The following ERBB4 variants were observed in gnomAD, a reference collection of about 807,000 sequenced individuals.
ERBB4 encodes receptor tyrosine-protein kinase erbB-4.
ERBB4 carries 42 observed loss-of-function variants against 158.0 expected under a neutral mutation model. The ratio of observed to expected loss-of-function variants is 0.27; its 90% CI spans 0.21 to 0.34. The LOEUF is 0.34. Among genes scored for constraint, ERBB4 ranks in the 10% least tolerant of loss-of-function variants. The pLI is 1.00. For missense variants in ERBB4, 1,333 were observed against 1,624.1 expected (o/e 0.82, Z 3.08); for synonymous variants, 583 against 558.7 (o/e 1.04, Z -0.61).
intron 12 of ERBB4, among the ~76,000 whole-genome samples, chr2:211,680,722 C>T (rs576131154): frequency 1.8e-4 from 27 of 152,230 alleles, no homozygotes; most frequent in Middle Eastern, 3.4e-3. Context: ...ATTAAAAAGG[C>T]CCCTATGGTA....
At chr2:211,690,976 T>C (rs1315403721) in intron 12 of ERBB4, among the ~76,000 whole-genome samples, 2 of 152,214 alleles carry the variant, frequency 1.3e-5, no homozygotes, top group East Asian at 3.8e-4. Flanking sequence ...ATGTGCTTAG[T>C]ATTTTGACCT....
chr2:211,779,147 C>T (rs1308751076), intron 4 of ERBB4: 2 of 152,182 alleles, frequency 1.3e-5, no homozygotes, highest in Non-Finnish European at 2.9e-5. Context: ...CATACAGCAC[C>T]TCTACTACCA....
chr2:212,109,597 T>C (rs2079341011), intron 2 of ERBB4, among the ~76,000 whole-genome samples: 1 of 152,174 alleles, frequency 6.6e-6, no homozygotes, highest in South Asian at 2.1e-4. Context: ...TATCTGAACA[T>C]CATAGTCCAA....
intron 1 of ERBB4, among the ~76,000 whole-genome samples, chr2:212,378,453 A>T (rs969506484): frequency 6.6e-6 from 1 of 151,842 alleles, no homozygotes; most frequent in African/African-American, 2.4e-5. Flanking sequence ...ATTAACAGTG[A>T]GAAATACTTT....
At chr2:212,143,824 T>G (rs1159416288) in intron 1 of ERBB4, among the ~76,000 whole-genome samples, 1 of 151,908 alleles carries the variant, frequency 6.6e-6, no homozygotes, top group African/African-American at 2.4e-5. Flanking sequence ...GAGACTAGCT[T>G]GGCCAATATG....
chr2:212,134,990 A>C (rs528106677), intron 1 of ERBB4, among the ~76,000 whole-genome samples: 1 of 152,170 alleles, frequency 6.6e-6, no homozygotes, highest in South Asian at 2.1e-4. Context: ...CTGGCCTACT[A>C]AACACTTTCT....
chr2:212,223,425 A>AT (rs1358819167), intron 1 of ERBB4, among the ~76,000 whole-genome samples: 37 of 76,478 alleles, frequency 4.8e-4, no homozygotes, highest in African/African-American at 1.9e-3. Context: ...ATATATATAT[A>AT]TATTTTTTTT....
At chr2:212,423,589 G>C (rs1448615603) in intron 1 of ERBB4, among the ~76,000 whole-genome samples, 1 of 151,968 alleles carries the variant, frequency 6.6e-6, no homozygotes, top group Non-Finnish European at 1.5e-5. Flanking sequence ...AAAGCTTCTG[G>C]GTTAGTGTAC....
At chr2:211,929,895 A>T (rs1490663181) in intron 3 of ERBB4, among the ~76,000 whole-genome samples, 1 of 152,170 alleles carries the variant, frequency 6.6e-6, no homozygotes, top group Non-Finnish European at 1.5e-5. Flanking sequence ...ATGTGTATAC[A>T]CACATCCTCT....
chr2:212,402,978 C>T (rs971827430), intron 1 of ERBB4, among the ~76,000 whole-genome samples: 15 of 151,800 alleles, frequency 9.9e-5, no homozygotes, highest in Non-Finnish European at 2.1e-4. Flanking sequence ...GTTGGAAGAC[C>T]TGTTGTTTAT....
In ERBB4 at chr2:211,624,014, C is replaced by T. The variant is rs2125858474; in HGVS notation, c.2110G>A (p.Ala704Thr). Residue 704 changes from alanine to threonine, a missense_variant, in exon 18 of 28, where the codon GCA becomes ACA. Coordinates refer to ENST00000342788, the MANE Select transcript of ERBB4 (RefSeq NM_005235.3). Reference protein sequence around the residue: ...LVEPLTPSGTAPNQAQLRILK... With the variant: ...LVEPLTPSGTTPNQAQLRILK... Reference sequence around the variant, plus strand: ...ATACGAAGTTGAGCTTGATTGGGTGCTGTGCCACTGGGAGTTAATGGTTCC... The same window carrying T: ...ATACGAAGTTGAGCTTGATTGGGTGTTGTGCCACTGGGAGTTAATGGTTCC... 6.2e-7 allele frequency: 1 copy of T among 1,614,068 alleles called. No individual in the cohort carries two copies. Among genetic ancestry groups the T allele is most frequent in the African/African-American group, 1.3e-5 (1 of 75,018 alleles).
At chr2:212,487,254 A>G (rs1282091439) in intron 1 of ERBB4, among the ~76,000 whole-genome samples, 1 of 152,110 alleles carries the variant, frequency 6.6e-6, no homozygotes, top group East Asian at 1.9e-4. Context: ...CAGTAATATA[A>G]AACATGTCCT....
At chr2:212,119,848 T>C (rs1230151523) in intron 2 of ERBB4, among the ~76,000 whole-genome samples, 1 of 152,172 alleles carries the variant, frequency 6.6e-6, no homozygotes, top group African/African-American at 2.4e-5. Flanking sequence ...AAAATGTATC[T>C]AACAAAGATT....
chr2:212,131,732 T>C (rs1437786479), intron 1 of ERBB4, among the ~76,000 whole-genome samples: 1 of 152,154 alleles, frequency 6.6e-6, no homozygotes, highest in Non-Finnish European at 1.5e-5. Flanking sequence ...CTCTTAGTAT[T>C]ACCATGCCCA....
At chr2:211,946,934 G>T (rs2080715496) in intron 3 of ERBB4, among the ~76,000 whole-genome samples, 2 of 152,010 alleles carry the variant, frequency 1.3e-5, no homozygotes, top group Admixed American at 1.3e-4. Flanking sequence ...TTCTGAGAAA[G>T]AATTGCTGAT....
At chr2:212,149,467 GATA>G (rs1269389527) in intron 1 of ERBB4, among the ~76,000 whole-genome samples, 1 of 152,086 alleles carries the variant, frequency 6.6e-6, no homozygotes, top group African/African-American at 2.4e-5. Flanking sequence ...TATGAAATCG[GATA>G]ATATTTGAAG....
At chr2:211,852,363 T>G (rs1438198203) in intron 3 of ERBB4, among the ~76,000 whole-genome samples, 2 of 151,958 alleles carry the variant, frequency 1.3e-5, no homozygotes, top group African/African-American at 4.8e-5. Flanking sequence ...GCACTGACAC[T>G]GGCCTTAAGC....
chr2:212,276,905 A>T (rs1347386284), intron 1 of ERBB4, among the ~76,000 whole-genome samples: 2 of 151,834 alleles, frequency 1.3e-5, no homozygotes, highest in Non-Finnish European at 2.9e-5. Flanking sequence ...CTAATGACAT[A>T]GTGTTTAGTG....
At chr2:211,524,401 A>T (rs377609945) in intron 20 of ERBB4, among the ~76,000 whole-genome samples, 5 of 149,236 alleles carry the variant, frequency 3.4e-5, no homozygotes, top group Admixed American at 6.6e-5. Context: ...TTGGGTGGTC[A>T]ATGGGACTGG....
Sources: allele counts gnomAD v4.1 joint callset (sites outside exome capture counted in the v4.1 genomes callset), GRCh38; gene constraint gnomAD v4.1.1; transcripts MANE v1.5; gene names NCBI Gene and HGNC (gene_info 2026-07-23, HGNC 2026-07-21).